DIAPH3: variants seen among roughly 807,000 people sequenced by gnomAD.
The protein encoded by DIAPH3 is diaphanous related formin 3.
A neutral mutation model predicts 144.3 loss-of-function variants in DIAPH3; 117 were observed. The ratio of observed to expected loss-of-function variants is 0.81; its 90% CI spans 0.70 to 0.95. The LOEUF is 0.95. Among genes scored for constraint, DIAPH3 ranks in the 40% least tolerant of loss-of-function variants. The probability of loss-of-function intolerance (pLI) is 0.00; values close to 1 mark genes in which losing one functional copy is unlikely to be tolerated. For synonymous variants in DIAPH3, 519 were observed against 488.9 expected (o/e 1.06, Z -0.81); for missense variants, 1,421 against 1,412.7 (o/e 1.01, Z -0.09).
At chr13:59,799,134 T>C in intron 25 of DIAPH3, among the ~76,000 whole-genome samples, 2 of 152,014 alleles carry the variant, frequency 1.3e-5, no homozygotes, top group East Asian at 3.9e-4. Flanking sequence ...AATTGTTCTA[T>C]TTGGTTACCA....
At chr13:60,041,773 T>C (rs899098896) in intron 5 of DIAPH3, among the ~76,000 whole-genome samples, 4 of 152,126 alleles carry the variant, frequency 2.6e-5, no homozygotes, top group African/African-American at 7.2e-5. Context: ...AAAACTGATC[T>C]ACAATCCTTG....
chr13:59,675,534 G>A (rs1266428358), intron 27 of DIAPH3, among the ~76,000 whole-genome samples: 1 of 151,940 alleles, frequency 6.6e-6, no homozygotes, highest in South Asian at 2.1e-4. Flanking sequence ...ATAGGCGCCC[G>A]CCACCACGCC....
chr13:59,777,863 A>C (rs2151503), intron 25 of DIAPH3, among the ~76,000 whole-genome samples: 100,020 of 151,980 alleles, frequency 0.66, 33,389 homozygotes, highest in East Asian at 0.72. Flanking sequence ...ACTAAAGAGG[A>C]ACGACAATGA....
chr13:59,905,059 T>C (rs1430192349), intron 20 of DIAPH3, among the ~76,000 whole-genome samples: 2 of 151,994 alleles, frequency 1.3e-5, no homozygotes, highest in Non-Finnish European at 2.9e-5. Context: ...AAGTGTAAGT[T>C]TGGCCAGGCA....
chr13:59,813,311 T>C (rs1292341773), intron 24 of DIAPH3, among the ~76,000 whole-genome samples: 1 of 151,928 alleles, frequency 6.6e-6, no homozygotes, highest in Non-Finnish European at 1.5e-5. Flanking sequence ...TAGTTATTAT[T>C]GCTAAGCTAT....
chr13:59,755,878 T>C (rs1176114131), intron 27 of DIAPH3, among the ~76,000 whole-genome samples: 3 of 152,150 alleles, frequency 2.0e-5, no homozygotes, highest in Admixed American at 2.0e-4. Context: ...TCATATCCTG[T>C]ACAGCCATAT....
intron 27 of DIAPH3, among the ~76,000 whole-genome samples, chr13:59,688,704 T>G (rs1416752937): frequency 6.6e-6 from 1 of 152,032 alleles, no homozygotes; most frequent in Non-Finnish European, 1.5e-5. Flanking sequence ...AAATCATGCT[T>G]CATAAGGGCA....
At position 60,049,220 on chromosome 13, in the gene DIAPH3, T is replaced by G. The variant is rs201876052; in HGVS notation, c.496-6400A>C. Among the ~76,000 whole-genome samples the G allele has an allele frequency of 1.1e-4, 17 of 152,310 alleles. No individual in the cohort carries two copies. The East Asian group carries it at 2.5e-3, about 22-fold the overall frequency. On this transcript the variant is annotated intron_variant, in intron 4 of 27. Coordinates refer to ENST00000400324, the MANE Select transcript of DIAPH3 (RefSeq NM_001042517.2). ...AAACCAAAACTAACCTGTCAATCTTTTCTCTAGGACCATTACAATTCAGGC... is the reference window on the plus strand; with the variant it reads ...AAACCAAAACTAACCTGTCAATCTTGTCTCTAGGACCATTACAATTCAGGC...
chr13:59,935,367 G>C (rs968439424), intron 17 of DIAPH3, among the ~76,000 whole-genome samples: 1 of 152,066 alleles, frequency 6.6e-6, no homozygotes, highest in Non-Finnish European at 1.5e-5. Flanking sequence ...TTTGGATAGG[G>C]TTCAGTTATT....
intron 1 of DIAPH3, among the ~76,000 whole-genome samples, chr13:60,138,439 T>A (rs887460601): frequency 1.3e-5 from 2 of 152,118 alleles, no homozygotes; most frequent in African/African-American, 2.4e-5. Flanking sequence ...ACAAGCCACA[T>A]GAAGGGTATA....
intron 24 of DIAPH3, among the ~76,000 whole-genome samples, chr13:59,826,652 G>A (rs1477471459): frequency 1.3e-5 from 2 of 151,462 alleles, no homozygotes; most frequent in Non-Finnish European, 3.0e-5. Flanking sequence ...AGCTACCAAT[G>A]ACTTTCTTCA....
At position 59,802,661 on chromosome 13, in the gene DIAPH3, A is replaced by ATTT. The variant is rs200597459; in HGVS notation, c.3163+8126_3163+8127insAAA. 4.7e-3 allele frequency among the ~76,000 whole-genome samples: 122 copies of ATTT among 26,114 alleles called. 3 individuals carry two copies. The highest frequency in any genetic ancestry group is 0.038 in the Middle Eastern group (1 of 26). 17.1% of individuals were successfully genotyped at this position (26,114 alleles called of 152,430 possible). ...ATTGATCTATATTATTATTATTATT[A>ATTT]TTATTATTTTTTTTTTTTTTTTTTT... On this transcript the variant is annotated intron_variant, in intron 25 of 27. Transcript: ENST00000400324.
chr13:59,987,703 A>G (rs1444195351), intron 12 of DIAPH3, among the ~76,000 whole-genome samples: 2 of 151,408 alleles, frequency 1.3e-5, no homozygotes, highest in African/African-American at 2.4e-5. Flanking sequence ...CTTTTTGGTT[A>G]TGCCAAATAT....
chr13:59,704,650 A>G (rs188123197), intron 27 of DIAPH3, among the ~76,000 whole-genome samples: 1 of 151,836 alleles, frequency 6.6e-6, no homozygotes, highest in Non-Finnish European at 1.5e-5. Context: ...TTAGATACAC[A>G]AATACTTACC....
At chr13:59,711,523 A>G (rs944900804) in intron 27 of DIAPH3, among the ~76,000 whole-genome samples, 2 of 152,070 alleles carry the variant, frequency 1.3e-5, no homozygotes, top group Non-Finnish European at 1.5e-5. Context: ...TACCACTATC[A>G]GTACCATCGT....
intron 25 of DIAPH3, among the ~76,000 whole-genome samples, chr13:59,795,479 G>A (rs2039546559): frequency 6.9e-6 from 1 of 145,360 alleles, no homozygotes; most frequent in African/African-American, 2.5e-5. Flanking sequence ...TTTTGAGATG[G>A]AGTCTCGCTC....
chr13:60,147,438 A>G (rs960961621), intron 1 of DIAPH3: 3 of 152,216 alleles, frequency 2.0e-5, no homozygotes, highest in African/African-American at 7.2e-5. Context: ...CCCCTCTATC[A>G]GATAAGTAAG....
chr13:59,720,804 T>C (rs1259156548), intron 27 of DIAPH3, among the ~76,000 whole-genome samples: 1 of 152,198 alleles, frequency 6.6e-6, no homozygotes, highest in Non-Finnish European at 1.5e-5. Flanking sequence ...TGTAAGCTAG[T>C]AAGCAAACAT....
intron 24 of DIAPH3, among the ~76,000 whole-genome samples, chr13:59,824,153 G>C (rs1240613067): frequency 6.6e-6 from 1 of 151,972 alleles, no homozygotes; most frequent in South Asian, 2.1e-4. Flanking sequence ...TTCTATATGG[G>C]AGCATAAAAA....
Sources: gnomAD v4.1 joint callset for allele counts (sites outside exome capture counted in the v4.1 genomes callset) on GRCh38, gnomAD v4.1.1 for gene constraint, MANE v1.5 for transcripts, NCBI Gene and HGNC (gene_info 2026-07-23, HGNC 2026-07-21) for gene names.